Variants in SNCAIP observed in about 807,000 individuals in gnomAD.
SNCAIP encodes synuclein alpha interacting protein.
A neutral mutation model predicts 86.7 loss-of-function variants in SNCAIP; 43 were observed. That is an observed-to-expected ratio of 0.50 (90% CI 0.39 to 0.64). The LOEUF (loss-of-function observed/expected upper bound fraction) is 0.64, where lower values mean the gene tolerates loss of function less well. Among genes scored for constraint, SNCAIP ranks in the 30% least tolerant of loss-of-function variants. SNCAIP has a pLI of 0.00. For synonymous variants in SNCAIP, 417 were observed against 427.2 expected (o/e 0.98, Z 0.29); for missense variants, 981 against 1,103.1 (o/e 0.89, Z 1.57).
At chr5:122,317,405 C>A (rs1933853454) in intron 1 of SNCAIP, among the ~76,000 whole-genome samples, 1 of 152,178 alleles carries the variant, frequency 6.6e-6, no homozygotes, top group South Asian at 2.1e-4. Context: ...CAGCTTTAGG[C>A]TTAACTCCTG....
chr5:122,353,716 C>T (rs757562868), intron 1 of SNCAIP, among the ~76,000 whole-genome samples: 9 of 152,210 alleles, frequency 5.9e-5, no homozygotes, highest in Non-Finnish European at 8.8e-5. Context: ...ACATGACTTG[C>T]TCCTCCTTGC....
At chr5:122,462,800 A>C (rs1453275119) in intron 10 of SNCAIP, among the ~76,000 whole-genome samples, 1 of 152,160 alleles carries the variant, frequency 6.6e-6, no homozygotes, top group Non-Finnish European at 1.5e-5. Context: ...CCACCCTCAG[A>C]ATATAGCTCC....
At chr5:122,358,199 GTGTGTATA>G (rs1195750521) in intron 1 of SNCAIP, among the ~76,000 whole-genome samples, 24 of 102,832 alleles carry the variant, frequency 2.3e-4, no homozygotes, top group African/African-American at 5.9e-4. Context: ...GTGTGTGTGT[GTGTGTATA>G]TATATATATA....
At chr5:122,449,734 C>T in intron 8 of SNCAIP, 111 bp from the exon 9 acceptor site, 1 of 826,612 alleles carries the variant, frequency 1.2e-6, no homozygotes, top group Non-Finnish European at 2.1e-6. Flanking sequence ...CATTTTAAGG[C>T]TTTTGTATTT....
Position 122,423,441 on chromosome 5 carries a change from A to G in SNCAIP, c.704A>G (p.Glu235Gly), listed in dbSNP as rs6867105. Residue 235 changes from glutamate (E) to glycine (G), a missense_variant, in exon 4 of 11, where the codon GAA (glutamate) becomes GGA (glycine). Transcript: ENST00000261368. Reference protein sequence around the residue: ...IHDQHKLSTEETEISPPLVKC... With the variant: ...IHDQHKLSTEGTEISPPLVKC... ...GACCAGCACAAGCTGTCCACTGAAG[A>G]AACCGAGATCTCACCTCCTCTGGTT... is the stretch of plus-strand genomic sequence containing the variant. The G allele has an allele frequency of 8.7e-6, 14 of 1,609,060 alleles. No individual in the cohort carries two copies. The highest frequency in any genetic ancestry group is 5.4e-5 in the African/African-American group (4 of 73,520).
chr5:122,385,524 GACA>G (rs750712029), intron 1 of SNCAIP, among the ~76,000 whole-genome samples: 3 of 152,148 alleles, frequency 2.0e-5, no homozygotes, highest in South Asian at 2.1e-4. Context: ...GCCAACTGGG[GACA>G]ACATTTCTAC....
At chr5:122,438,390 G>A (rs951721695) in intron 6 of SNCAIP, among the ~76,000 whole-genome samples, 2 of 152,194 alleles carry the variant, frequency 1.3e-5, no homozygotes, top group African/African-American at 4.8e-5. Flanking sequence ...TGCACCCTGT[G>A]TTAAGGTGGT....
chr5:122,391,752 C>T (rs980706597), intron 2 of SNCAIP, among the ~76,000 whole-genome samples: 1 of 152,202 alleles, frequency 6.6e-6, no homozygotes, highest in Non-Finnish European at 1.5e-5. Context: ...ATGCTGTGGG[C>T]TGATGAGTCT....
chr5:122,424,576 T>A lies in SNCAIP; in HGVS notation c.1003-776T>A, dbSNP rs113895028. Reference sequence around the variant, plus strand: ...CTTGCTCTATTATCACAAATACTATTGTGATAGGGTAATATAATTGAATAA... The same window carrying A: ...CTTGCTCTATTATCACAAATACTATAGTGATAGGGTAATATAATTGAATAA... On this transcript the variant is annotated intron_variant, in intron 4 of 10. Transcript: ENST00000261368. Among the ~76,000 whole-genome samples, 253 of 152,350 alleles carry A rather than the reference T, an allele frequency of 1.7e-3. 3 individuals carry two copies. Among genetic ancestry groups the A allele is most frequent in the African/African-American group, 5.8e-3 (242 of 41,582 alleles).
At chr5:122,383,894 A>T (rs1225987218) in intron 1 of SNCAIP, among the ~76,000 whole-genome samples, 3 of 152,220 alleles carry the variant, frequency 2.0e-5, no homozygotes, top group Admixed American at 2.0e-4. Flanking sequence ...GAAGTTGAAG[A>T]CTTAAACCAA....
chr5:122,463,637 T>C lies in SNCAIP; in HGVS notation c.*141T>C. On this transcript the variant is annotated 3_prime_UTR_variant, in exon 11 of 11. Coordinates refer to ENST00000261368, the MANE Select transcript of SNCAIP (RefSeq NM_005460.4). ...GAAATTATTGGAAATTTCTGGACTA[T>C]CCTCTTTGGAAAGAGAACCATGAAA... The C allele has an allele frequency of 3.6e-6, 3 of 834,774 alleles. No homozygotes were observed. Among genetic ancestry groups the C allele is most frequent in the African/African-American group, 1.7e-5 (1 of 58,620 alleles). The allele number at this position is 834,774 out of a possible 1,614,324, so 51.7% of individuals were successfully genotyped here.
At chr5:122,361,696 A>T (rs562255142) in intron 1 of SNCAIP, among the ~76,000 whole-genome samples, 55 of 151,962 alleles carry the variant, frequency 3.6e-4, no homozygotes, top group Non-Finnish European at 6.5e-4. Flanking sequence ...AGCTCCATCG[A>T]TGCCTTAAAG....
At chr5:122,443,213 A>G (rs1238262727) in intron 7 of SNCAIP, among the ~76,000 whole-genome samples, 1 of 152,176 alleles carries the variant, frequency 6.6e-6, no homozygotes, top group Non-Finnish European at 1.5e-5. Flanking sequence ...TAGTCTAAAA[A>G]TTTAAATACT....
intron 7 of SNCAIP, chr5:122,441,307 A>G (rs919051124): frequency 1.0e-4 from 16 of 156,488 alleles, no homozygotes; most frequent in Admixed American, 4.3e-4. Flanking sequence ...GTAGATTCAG[A>G]TATTGGTCCT....
At chr5:122,354,914 T>C (rs1281894937) in intron 1 of SNCAIP, among the ~76,000 whole-genome samples, 1 of 152,220 alleles carries the variant, frequency 6.6e-6, no homozygotes, top group Non-Finnish European at 1.5e-5. Context: ...CCTTTAGGAC[T>C]AATTAAAGAA....
At chr5:122,459,545 G>A (rs1785613369) in intron 10 of SNCAIP, among the ~76,000 whole-genome samples, 2 of 150,608 alleles carry the variant, frequency 1.3e-5, no homozygotes, top group African/African-American at 5.0e-5. Context: ...GAAGGGTTCA[G>A]GGAGGATTGA....
At chr5:122,411,312 A>T (rs992181056) in intron 3 of SNCAIP, among the ~76,000 whole-genome samples, 1 of 152,106 alleles carries the variant, frequency 6.6e-6, no homozygotes, top group Non-Finnish European at 1.5e-5. Context: ...TCCTTCTCAC[A>T]AGTCCCCATC....
At chr5:122,458,828 T>G (rs1023557223) in intron 10 of SNCAIP, among the ~76,000 whole-genome samples, 2 of 152,262 alleles carry the variant, frequency 1.3e-5, no homozygotes, top group Non-Finnish European at 1.5e-5. Context: ...GCAAGCTCTG[T>G]GAAAAAGGCC....
intron 8 of SNCAIP, among the ~76,000 whole-genome samples, chr5:122,447,187 G>A (rs895171332): frequency 6.6e-6 from 1 of 152,186 alleles, no homozygotes; most frequent in African/African-American, 2.4e-5. Flanking sequence ...TCAGAAGCTA[G>A]GAGAGAAGCA....
Sources: gnomAD v4.1 joint callset for allele counts (sites outside exome capture counted in the v4.1 genomes callset) on GRCh38, gnomAD v4.1.1 for gene constraint, MANE v1.5 for transcripts, NCBI Gene and HGNC (gene_info 2026-07-23, HGNC 2026-07-21) for gene names.